The following PARD3B variants were observed in gnomAD, a reference collection of about 807,000 sequenced individuals.
The protein encoded by PARD3B is partitioning defective 3 homolog B.
Under a neutral mutation model 130.2 loss-of-function variants are expected in PARD3B, and 103 were observed. The ratio of observed to expected loss-of-function variants is 0.79; its 90% CI spans 0.67 to 0.93. The LOEUF (loss-of-function observed/expected upper bound fraction) is 0.93. PARD3B is among the 40% of genes least tolerant of loss of function. The pLI is 0.00. For synonymous variants in PARD3B, 583 were observed against 553.2 expected (o/e 1.05, Z -0.76); for missense variants, 1,609 against 1,499.2 (o/e 1.07, Z -1.21).
intron 21 of PARD3B, among the ~76,000 whole-genome samples, chr2:205,529,008 G>T (rs2051462731): frequency 6.6e-6 from 1 of 151,988 alleles, no homozygotes; most frequent in Non-Finnish European, 1.5e-5. Context: ...GGCTATGGTG[G>T]CATGACCCTA....
intron 2 of PARD3B, among the ~76,000 whole-genome samples, chr2:204,879,955 G>A (rs1559223087): frequency 6.6e-6 from 1 of 152,206 alleles, no homozygotes; most frequent in Non-Finnish European, 1.5e-5. Flanking sequence ...ATGATTAGTA[G>A]AGTTTCAGTG....
Position 204,568,925 on chromosome 2 carries a change from A to G in PARD3B, c.120+22806A>G, listed in dbSNP as rs1012483662. 5.3e-5 allele frequency among the ~76,000 whole-genome samples: 8 copies of G among 151,048 alleles called. No individual in the cohort carries two copies. The South Asian group carries it at 1.0e-3, about 20-fold the overall frequency. ...AGCTGAGATTGCGCCACTGCCCTCC[A>G]GCCTGGGTGACAGAGTGAGACTGTC... On this transcript the variant is annotated intron_variant, in intron 1 of 22. Transcript: ENST00000406610.
chr2:204,707,516 T>A (rs1013495259), intron 2 of PARD3B, among the ~76,000 whole-genome samples: 8 of 152,214 alleles, frequency 5.3e-5, no homozygotes, highest in African/African-American at 1.9e-4. Flanking sequence ...TGTGCCTAGA[T>A]ATATCTAGTA....
intron 3 of PARD3B, among the ~76,000 whole-genome samples, chr2:205,002,617 C>T (rs548133070): frequency 3.3e-5 from 5 of 152,274 alleles, no homozygotes; most frequent in African/African-American, 9.6e-5. Flanking sequence ...TCCATCCTCT[C>T]GCGCTCTGAT....
chr2:204,640,730 C>G (rs1015210691), intron 1 of PARD3B, among the ~76,000 whole-genome samples: 1 of 151,978 alleles, frequency 6.6e-6, no homozygotes, highest in Non-Finnish European at 1.5e-5. Flanking sequence ...GATAGACCAG[C>G]TCTCTCATTT....
In PARD3B at chr2:205,615,446, C is replaced by G; in HGVS notation, c.3261-10C>G. The G allele has an allele frequency of 6.4e-7, 1 of 1,572,214 alleles. No individual in the cohort carries two copies. Among genetic ancestry groups the G allele is most frequent in the Non-Finnish European group, 8.6e-7 (1 of 1,159,496 alleles). On this transcript the variant is annotated splice_polypyrimidine_tract_variant and intron_variant, in intron 22 of 22. Transcript: ENST00000406610. ...GAGCTGCTAACATGTGTCTCTTCTT[C>G]TCTTTCCAGGGGAGGACCCGCAGAT...
In PARD3B at chr2:205,021,619, T is replaced by TCC. The variant is rs758685629; in HGVS notation, c.395-25960_395-25959dup. On this transcript the variant is annotated intron_variant, in intron 3 of 22. Coordinates refer to ENST00000406610, the MANE Select transcript of PARD3B (RefSeq NM_001302769.2). The surrounding 1 kb of genome is among the most constrained non-coding windows in gnomAD (Gnocchi z 4.5). ...TTCTCTCTCTCTCTCTCTCTCTCTCTCCCTCTCTCTTTCTCTCTCTCTCTC... is the reference window on the plus strand; with the variant it reads ...TTCTCTCTCTCTCTCTCTCTCTCTCTCCCCCTCTCTCTTTCTCTCTCTCTCTC... 0.014 allele frequency among the ~76,000 whole-genome samples: 2,022 copies of TCC among 140,584 alleles called. 25 individuals carry two copies. Among genetic ancestry groups the TCC allele is most frequent in the East Asian group, 0.045 (227 of 5,080 alleles). The allele number at this position is 140,584 out of a possible 152,430, so 92.2% of individuals were successfully genotyped here.
intron 22 of PARD3B, among the ~76,000 whole-genome samples, chr2:205,611,966 C>T (rs183582082): frequency 6.6e-6 from 1 of 152,290 alleles, no homozygotes; most frequent in African/African-American, 2.4e-5. Flanking sequence ...AAGCACACAG[C>T]ATCCGACACC....
At chr2:204,736,162 C>T (rs1468095073) in intron 2 of PARD3B, among the ~76,000 whole-genome samples, 1 of 128,434 alleles carries the variant, frequency 7.8e-6, no homozygotes, top group Non-Finnish European at 1.6e-5. Flanking sequence ...TCTATGAGTA[C>T]TATTTTTTTT....
intron 1 of PARD3B, among the ~76,000 whole-genome samples, chr2:204,583,191 CATT>C (rs1245756310): frequency 8.0e-6 from 1 of 124,286 alleles, no homozygotes; most frequent in Non-Finnish European, 1.7e-5. Flanking sequence ...TTTATTGCGG[CATT>C]ATTCACAATA....
In PARD3B at chr2:205,563,693, T is replaced by A. The variant is rs188104839; in HGVS notation, c.3260+10290T>A. On this transcript the variant is annotated intron_variant, in intron 22 of 22. Transcript: ENST00000406610. This position sits in a 1 kb window ranked among gnomAD's most constrained non-coding sequence, Gnocchi z 4.2. Reference sequence around the variant, plus strand: ...AAAATACAAGAAAATAGTAGGGAATTTATGGGAAATAAAGAAAAACACTTT... The same window carrying A: ...AAAATACAAGAAAATAGTAGGGAATATATGGGAAATAAAGAAAAACACTTT... Among the ~76,000 whole-genome samples, 85 of 152,212 alleles carry A rather than the reference T, an allele frequency of 5.6e-4. 1 individual carries two copies. In the East Asian group the frequency reaches 0.016, roughly 29 times the overall value.
intron 21 of PARD3B, among the ~76,000 whole-genome samples, chr2:205,503,122 C>T (rs952499763): frequency 1.3e-5 from 2 of 151,538 alleles, no homozygotes; most frequent in African/African-American, 4.8e-5. Context: ...CAAATATTTG[C>T]TAAATCTTAG....
At chr2:204,587,601 G>A (rs1423533172) in intron 1 of PARD3B, among the ~76,000 whole-genome samples, 13 of 152,144 alleles carry the variant, frequency 8.5e-5, no homozygotes, top group Admixed American at 6.6e-4. Context: ...GTAAAATCTC[G>A]AATTACTGAA....
At chr2:205,154,201 A>C (rs1008425428) in intron 10 of PARD3B, among the ~76,000 whole-genome samples, 6 of 152,036 alleles carry the variant, frequency 3.9e-5, no homozygotes, top group Non-Finnish European at 7.3e-5. Context: ...AATTTACAAG[A>C]AAAAAACAAG....
chr2:204,716,917 C>T lies in PARD3B; in HGVS notation c.222+30635C>T, dbSNP rs534634073. Among the ~76,000 whole-genome samples, 124 of 152,240 alleles carry T rather than the reference C, an allele frequency of 8.1e-4. 1 individual carries two copies. Among genetic ancestry groups the T allele is most frequent in the Non-Finnish European group, 1.5e-4 (10 of 68,016 alleles). ...GATTACAGGCGTGAGCCACCGCACC[C>T]GGCCCAGCAACTGCTTTTGCACTAA... On this transcript the variant is annotated intron_variant, in intron 2 of 22. Transcript: ENST00000406610.
At chr2:204,727,834 C>G (rs890700743) in intron 2 of PARD3B, among the ~76,000 whole-genome samples, 1 of 152,046 alleles carries the variant, frequency 6.6e-6, no homozygotes, top group African/African-American at 2.4e-5. Context: ...CCTCTGATGT[C>G]GAAAAGTGAA....
chr2:205,310,715 C>CTTTTTTTTT (rs1311997873), intron 18 of PARD3B, among the ~76,000 whole-genome samples: 1 of 102,080 alleles, frequency 9.8e-6, no homozygotes, highest in African/African-American at 3.3e-5. Context: ...TTCTTTCTTT[C>CTTTTTTTTT]TTTCTTTTTT....
At chr2:205,452,869 A>G (rs1283765056) in intron 20 of PARD3B, among the ~76,000 whole-genome samples, 2 of 152,040 alleles carry the variant, frequency 1.3e-5, no homozygotes, top group African/African-American at 2.4e-5. Context: ...CCCATCCTCA[A>G]CCACTGGGGG....
At chr2:204,566,259 G>A (rs1176422783) in intron 1 of PARD3B, among the ~76,000 whole-genome samples, 1 of 152,188 alleles carries the variant, frequency 6.6e-6, no homozygotes, top group Admixed American at 6.5e-5. Flanking sequence ...CCATTTGTAA[G>A]GCAAAGGTAC....
Sources: gnomAD v4.1 joint callset for allele counts (sites outside exome capture counted in the v4.1 genomes callset) on GRCh38, gnomAD v4.1.1 for gene constraint, Gnocchi (gnomAD v3.1) non-coding constraint, MANE v1.5 for transcripts, NCBI Gene and HGNC (gene_info 2026-07-23, HGNC 2026-07-21) for gene names.